Variants in UTRN observed in about 807,000 individuals in gnomAD.
The protein encoded by UTRN is dystrophin-related protein 1.
Under a neutral mutation model 463.9 loss-of-function variants are expected in UTRN, and 283 were observed. The ratio of observed to expected loss-of-function variants is 0.61; its 90% CI spans 0.55 to 0.67. The LOEUF is 0.67. Ranked by LOEUF, UTRN falls within the 30% of genes least tolerant of loss-of-function variation. The pLI, the probability that UTRN is intolerant of heterozygous loss-of-function variation, is 0.00. For synonymous variants in UTRN, 1,442 were observed against 1,431.5 expected, an observed-to-expected ratio of 1.01 and a Z score of -0.17; for missense variants, 3,922 against 4,084.3, an observed-to-expected ratio of 0.96 and a Z score of 1.08.
rs1793250054 is a variant in UTRN at position 144,493,417 on chromosome 6, G to T, written c.4554G>T (p.Leu1518=). Residue 1518 remains leucine, a synonymous_variant, in exon 33 of 75, where the codon CTG becomes CTT. Transcript: ENST00000367545. ...TDNPKGMDEQ[L]TSLKVLYNDL... ...ACCCAAAAGGGATGGATGAGCAGCTGACTTCCCTGAAGGTTCTTTACAATG... is the reference window on the plus strand; with the variant it reads ...ACCCAAAAGGGATGGATGAGCAGCTTACTTCCCTGAAGGTTCTTTACAATG... 6.2e-7 allele frequency: 1 copy of T among 1,613,924 alleles called. No individual in the cohort carries two copies. Among genetic ancestry groups the T allele is most frequent in the Admixed American group, 1.7e-5 (1 of 60,000 alleles).
chr6:144,650,007 TA>T (rs142728031), intron 51 of UTRN, among the ~76,000 whole-genome samples: 2 of 151,864 alleles, frequency 1.3e-5, no homozygotes, highest in Non-Finnish European at 2.9e-5. Flanking sequence ...GTAATTTATT[TA>T]AAAAAAAGAG....
chr6:144,742,743 G>C (rs1317920581), intron 54 of UTRN, among the ~76,000 whole-genome samples: 1 of 152,144 alleles, frequency 6.6e-6, no homozygotes, highest in Non-Finnish European at 1.5e-5. Context: ...AATATATCTA[G>C]GATTATGTAA....
chr6:144,532,571 G>T (rs1207695540), intron 42 of UTRN, among the ~76,000 whole-genome samples: 1 of 152,216 alleles, frequency 6.6e-6, no homozygotes, highest in Non-Finnish European at 1.5e-5. Flanking sequence ...GGGATTATGG[G>T]AGGTACAATT....
chr6:144,757,919 G>C lies in UTRN; in HGVS notation c.8435-10G>C, dbSNP rs1223018734. On this transcript the variant is annotated splice_polypyrimidine_tract_variant and intron_variant, in intron 57 of 74. Transcript: ENST00000367545. ...CCAACGTTTCCAATAATCTCCCTTT[G>C]TTTCCTCAGCGTCAGTCCAGCTGCC... The C allele has an allele frequency of 1.2e-6, 2 of 1,605,276 alleles. No individual in the cohort carries two copies. Among genetic ancestry groups the C allele is most frequent in the African/African-American group, 1.3e-5 (1 of 74,436 alleles).
chr6:144,368,247 T>A (rs1369332297), intron 2 of UTRN, among the ~76,000 whole-genome samples: 1 of 152,190 alleles, frequency 6.6e-6, no homozygotes, highest in Non-Finnish European at 1.5e-5. Context: ...ATTTCTTCAG[T>A]TTCTTTATCC....
intron 52 of UTRN, among the ~76,000 whole-genome samples, chr6:144,686,813 C>T (rs1358355274): frequency 6.6e-6 from 1 of 151,878 alleles, no homozygotes; most frequent in African/African-American, 2.4e-5. Flanking sequence ...CTTGAAGAGA[C>T]ACTTTGGGTG....
intron 62 of UTRN, 57 bp from the exon 63 acceptor site, chr6:144,793,777 T>G: frequency 6.4e-7 from 1 of 1,572,984 alleles, no homozygotes; most frequent in Non-Finnish European, 8.6e-7. Context: ...AAAGATATAT[T>G]TTAAGTAAAA....
At position 144,438,726 on chromosome 6, in the gene UTRN, C is replaced by A. The variant is rs1344003637; in HGVS notation, c.1242-19C>A. ...AGGGAAAAGGCTTGTAGGAATAATG[C>A]TGTGTTCCCCACGGACAGGCTGCAC... On this transcript the variant is annotated intron_variant, in intron 11 of 74. Transcript: ENST00000367545. 2 of 1,613,908 alleles carry A rather than the reference C, an allele frequency of 1.2e-6. No individual in the cohort carries two copies. The highest frequency in any genetic ancestry group is 3.3e-5 in the Admixed American group (2 of 59,998).
chr6:144,492,406 T>G (rs1235380615), intron 32 of UTRN, among the ~76,000 whole-genome samples: 3 of 152,360 alleles, frequency 2.0e-5, no homozygotes, highest in African/African-American at 7.2e-5. Flanking sequence ...CACGTTTTCT[T>G]TATCCATTCC....
intron 58 of UTRN, among the ~76,000 whole-genome samples, chr6:144,767,226 T>C (rs1793460393): frequency 6.6e-6 from 1 of 152,102 alleles, no homozygotes; most frequent in African/African-American, 2.4e-5. Context: ...TTAAAGTAAA[T>C]TGAGTCTGTC....
At chr6:144,685,262 C>T (rs1478597369) in intron 52 of UTRN, among the ~76,000 whole-genome samples, 3 of 152,134 alleles carry the variant, frequency 2.0e-5, no homozygotes, top group Non-Finnish European at 2.9e-5. Flanking sequence ...ACCACATGTT[C>T]CTTATCCACT....
intron 26 of UTRN, among the ~76,000 whole-genome samples, chr6:144,481,167 G>C (rs1483094748): frequency 6.6e-6 from 1 of 152,146 alleles, no homozygotes; most frequent in Non-Finnish European, 1.5e-5. Flanking sequence ...CAGCCATTAG[G>C]ACTTACAAAA....
intron 51 of UTRN, among the ~76,000 whole-genome samples, chr6:144,660,836 G>A (rs532314370): frequency 2.0e-5 from 3 of 152,308 alleles, no homozygotes; most frequent in East Asian, 3.9e-4. Context: ...GTGCTTGCAT[G>A]CACTGTGAAG....
At chr6:144,664,133 A>G (rs184479922) in intron 51 of UTRN, among the ~76,000 whole-genome samples, 2 of 152,214 alleles carry the variant, frequency 1.3e-5, no homozygotes, top group African/African-American at 4.8e-5. Flanking sequence ...GAGAAATTAC[A>G]TTTAAACTGA....
intron 22 of UTRN, among the ~76,000 whole-genome samples, chr6:144,461,556 T>A (rs1789414057): frequency 6.6e-6 from 1 of 152,224 alleles, no homozygotes; most frequent in Non-Finnish European, 1.5e-5. Flanking sequence ...GCATATTTTC[T>A]CCTTCTGCTG....
At chr6:144,796,323 C>T (rs1777208755) in intron 63 of UTRN, among the ~76,000 whole-genome samples, 1 of 152,138 alleles carries the variant, frequency 6.6e-6, no homozygotes, top group African/African-American at 2.4e-5. Flanking sequence ...TTCCTAAAGG[C>T]TCTACCTCCT....
At chr6:144,837,936 C>T (rs1377598173) in intron 71 of UTRN, among the ~76,000 whole-genome samples, 6 of 152,088 alleles carry the variant, frequency 3.9e-5, no homozygotes, top group African/African-American at 1.2e-4. Flanking sequence ...TGAAGCCCTT[C>T]GGAATGTTTG....
At chr6:144,793,445 G>C (rs1018071666) in intron 62 of UTRN, among the ~76,000 whole-genome samples, 3 of 151,908 alleles carry the variant, frequency 2.0e-5, no homozygotes, top group Non-Finnish European at 4.4e-5. Flanking sequence ...AGGAAGCTTT[G>C]TTTTGGCTCA....
chr6:144,771,756 T>A (rs1407432818), intron 58 of UTRN, 151 bp from the exon 59 acceptor site: 1 of 564,948 alleles, frequency 1.8e-6, no homozygotes, highest in East Asian at 3.2e-5. Flanking sequence ...CAATTGGGCA[T>A]TGGGTTTCTG....
Sources: gnomAD v4.1 joint callset for allele counts (sites outside exome capture counted in the v4.1 genomes callset) on GRCh38, gnomAD v4.1.1 for gene constraint, MANE v1.5 for transcripts, NCBI Gene and HGNC (gene_info 2026-07-23, HGNC 2026-07-21) for gene names.